Variants in RPS6KA5 observed in about 807,000 individuals in gnomAD.
The protein encoded by RPS6KA5 is ribosomal protein S6 kinase alpha-5.
RPS6KA5 carries 27 observed loss-of-function variants against 85.5 expected under a neutral mutation model. The ratio of observed to expected loss-of-function variants is 0.32; its 90% CI spans 0.23 to 0.44. RPS6KA5 has a LOEUF of 0.44. Among genes scored for constraint, RPS6KA5 ranks in the 20% least tolerant of loss-of-function variants. The pLI is 1.00. For missense variants in RPS6KA5, 811 were observed against 980.9 expected, an observed-to-expected ratio of 0.83 and a Z score of 2.31; for synonymous variants, 334 against 348.2, an observed-to-expected ratio of 0.96 and a Z score of 0.46.
rs1372041009 is a variant in RPS6KA5, at chr14:90,852,284, CG to C, written c.*19789del. On this transcript the variant is annotated 3_prime_UTR_variant, in exon 17 of 17. Coordinates refer to ENST00000614987, the MANE Select transcript of RPS6KA5 (RefSeq NM_004755.4). Reference sequence around the variant, plus strand: ...TAATTTTTTGTATTTTTATTAGAGACGGGGTTTCACCATGTTAGCCAGGATG... The same window carrying C: ...TAATTTTTTGTATTTTTATTAGAGACGGGTTTCACCATGTTAGCCAGGATG... 6.6e-6 allele frequency: 1 copy of C among 151,654 alleles called. No homozygotes were observed. Among genetic ancestry groups the C allele is most frequent in the Non-Finnish European group, 1.5e-5 (1 of 67,920 alleles). The allele number at this position is 151,654 out of a possible 1,614,324, so 9.4% of individuals were successfully genotyped here.
intron 13 of RPS6KA5, among the ~76,000 whole-genome samples, chr14:90,892,954 TAACA>T: frequency 6.6e-6 from 1 of 152,282 alleles, no homozygotes; most frequent in Non-Finnish European, 1.5e-5. Context: ...AAAAGCCTTA[TAACA>T]AATAAGAAGA....
chr14:90,863,375 T>A lies in RPS6KA5; in HGVS notation c.*8699A>T, dbSNP rs1285908616. 1 of 148,020 alleles carries A rather than the reference T, an allele frequency of 6.8e-6. No individual in the cohort carries two copies. Among genetic ancestry groups the A allele is most frequent in the Non-Finnish European group, 1.5e-5 (1 of 67,036 alleles). 9.2% of individuals were successfully genotyped at this position (148,020 alleles called of 1,614,324 possible). ...ATATATATATAGAATAGAAAAATAT[T>A]GAATTCTTATTCTGAGTTGAAGAAG... On this transcript the variant is annotated 3_prime_UTR_variant, in exon 17 of 17. Coordinates refer to ENST00000614987, the MANE Select transcript of RPS6KA5 (RefSeq NM_004755.4).
At chr14:90,913,130 C>T (rs918331158) in intron 7 of RPS6KA5, among the ~76,000 whole-genome samples, 81 of 151,800 alleles carry the variant, frequency 5.3e-4, no homozygotes, top group African/African-American at 1.9e-3. Context: ...AGGCTGGTCT[C>T]GAACTCCTGA....
chr14:91,046,007 C>T (rs887183568), intron 1 of RPS6KA5, among the ~76,000 whole-genome samples: 22 of 152,156 alleles, frequency 1.4e-4, no homozygotes, highest in African/African-American at 5.1e-4. Flanking sequence ...CCCCGCTCTT[C>T]ACCCCACAAC....
At chr14:90,889,379 T>C (rs1021049807) in intron 14 of RPS6KA5, among the ~76,000 whole-genome samples, 1 of 147,150 alleles carries the variant, frequency 6.8e-6, no homozygotes, top group Non-Finnish European at 1.5e-5. Context: ...TCTAACTAAA[T>C]ATTCATCAAA....
intron 3 of RPS6KA5, among the ~76,000 whole-genome samples, chr14:90,976,502 G>C (rs1356417167): frequency 6.6e-6 from 1 of 152,066 alleles, no homozygotes; most frequent in African/African-American, 2.4e-5. Context: ...CTTTCCATTT[G>C]TTTTCCATTT....
At chr14:90,964,020 C>T (rs537324619) in intron 3 of RPS6KA5, among the ~76,000 whole-genome samples, 2 of 152,108 alleles carry the variant, frequency 1.3e-5, no homozygotes, top group East Asian at 1.9e-4. Flanking sequence ...CACTGAGAGA[C>T]GTCAAGCAGT....
intron 1 of RPS6KA5, among the ~76,000 whole-genome samples, chr14:91,049,632 A>C (rs2042992932): frequency 6.6e-6 from 1 of 152,122 alleles, no homozygotes; most frequent in Non-Finnish European, 1.5e-5. Context: ...AAGAAAAAAG[A>C]AAAAAGAGAC....
chr14:90,891,673 TCTC>T (rs1489378966), intron 13 of RPS6KA5, among the ~76,000 whole-genome samples: 1 of 152,032 alleles, frequency 6.6e-6, no homozygotes, highest in African/African-American at 2.4e-5. Flanking sequence ...AGAAGAAAAA[TCTC>T]CTAAGTCTTC....
At chr14:90,975,120 C>A (rs539955580) in intron 3 of RPS6KA5, among the ~76,000 whole-genome samples, 1 of 152,062 alleles carries the variant, frequency 6.6e-6, no homozygotes, top group East Asian at 1.9e-4. Flanking sequence ...CTTATTTTTG[C>A]TGTCCTGTAT....
At chr14:91,057,190 A>G (rs2043359122) in intron 1 of RPS6KA5, among the ~76,000 whole-genome samples, 1 of 151,954 alleles carries the variant, frequency 6.6e-6, no homozygotes, top group Admixed American at 6.6e-5. Flanking sequence ...CCCTACTACT[A>G]GAGGGCGGGA....
At position 90,978,410 on chromosome 14, in the gene RPS6KA5, T is replaced by G; in HGVS notation, c.290A>C (p.His97Pro). 1 of 1,614,042 alleles carries G rather than the reference T, an allele frequency of 6.2e-7. No homozygotes were observed. Among genetic ancestry groups the G allele is most frequent in the East Asian group, 2.2e-5 (1 of 44,866 alleles). Residue 97 changes from histidine to proline, a missense_variant, in exon 3 of 17, where the codon CAT (histidine) becomes CCT (proline). Physicochemically the swap from His to Pro is moderately conservative, Grantham distance 77 (BLOSUM62 -2). Around this residue, in one of 3 missense-constraint regions of RPS6KA5, gnomAD observed 48 missense variants for 87.6 expected, o/e 0.55. Coordinates refer to ENST00000614987, the MANE Select transcript of RPS6KA5 (RefSeq NM_004755.4). ...TIVQKAKTTE[H>P]TRTERQVLEH... The stretch of plus-strand genomic sequence containing the variant: ...CAGGACTTGTCGTTCTGTCCTTGTA[T>G]GCTCTGTGGTTTTGGCCTTTTGAAC...
chr14:91,010,779 A>C (rs2041224085), intron 1 of RPS6KA5, among the ~76,000 whole-genome samples: 1 of 152,222 alleles, frequency 6.6e-6, no homozygotes, highest in Non-Finnish European at 1.5e-5. Flanking sequence ...GGGAAAATGG[A>C]ATGTAGGAAA....
Position 90,920,895 on chromosome 14 carries a change from A to C in RPS6KA5, c.703-586T>G, listed in dbSNP as rs539262712. Among the ~76,000 whole-genome samples, 19 of 152,110 alleles carry C rather than the reference A, an allele frequency of 1.2e-4. No individual in the cohort carries two copies. In the South Asian group the frequency reaches 2.3e-3, roughly 18 times the overall value. On this transcript the variant is annotated intron_variant, in intron 6 of 16. Transcript: ENST00000614987. ...TAGAAAATTATATATAATTTAAAGA[A>C]TCTTTTATTTTATTTTATTTGAGAT...
At chr14:90,892,031 C>T (rs1198240530) in intron 13 of RPS6KA5, among the ~76,000 whole-genome samples, 1 of 148,170 alleles carries the variant, frequency 6.7e-6, no homozygotes, top group Non-Finnish European at 1.5e-5. Flanking sequence ...GACAGTCTTG[C>T]TCTGTTGCCC....
chr14:90,909,515 A>G (rs192262283), intron 7 of RPS6KA5, among the ~76,000 whole-genome samples: 138 of 152,344 alleles, frequency 9.1e-4, no homozygotes, highest in Admixed American at 5.6e-3. Flanking sequence ...ACAGATACGG[A>G]AAGACTCCTT....
intron 1 of RPS6KA5, among the ~76,000 whole-genome samples, chr14:91,002,394 T>C (rs2040829424): frequency 6.6e-6 from 1 of 152,026 alleles, no homozygotes; most frequent in Non-Finnish European, 1.5e-5. Flanking sequence ...TATTAGAAAA[T>C]GGCCATTATA....
At chr14:90,987,157 G>C (rs2040089781) in intron 2 of RPS6KA5, among the ~76,000 whole-genome samples, 1 of 151,808 alleles carries the variant, frequency 6.6e-6, no homozygotes, top group South Asian at 2.1e-4. Context: ...AGGTATAGTG[G>C]GTATACACAT....
intron 5 of RPS6KA5, among the ~76,000 whole-genome samples, chr14:90,928,703 T>C (rs1370309889): frequency 7.3e-6 from 1 of 137,064 alleles, no homozygotes; most frequent in African/African-American, 2.7e-5. Context: ...AAAAATTAAA[T>C]CAGTATTTGA....
Sources: gnomAD v4.1 joint callset for allele counts (sites outside exome capture counted in the v4.1 genomes callset) on GRCh38, gnomAD v4.1.1 for gene constraint, gnomAD v4.1.1 regional missense constraint, MANE v1.5 for transcripts, NCBI Gene and HGNC (gene_info 2026-07-23, HGNC 2026-07-21) for gene names.